PRKD1: variants seen among roughly 807,000 people sequenced by gnomAD.
PRKD1 encodes the protein serine/threonine-protein kinase D1.
PRKD1 carries 63 observed loss-of-function variants against 95.9 expected under a neutral mutation model. The ratio of observed to expected loss-of-function variants is 0.66; its 90% CI spans 0.54 to 0.81. PRKD1 has a LOEUF of 0.81. Among genes scored for constraint, PRKD1 ranks in the 30% least tolerant of loss-of-function variants. The pLI, the probability that PRKD1 is intolerant of heterozygous loss-of-function variation, is 0.00. For synonymous variants in PRKD1, 425 were observed against 423.1 expected, an observed-to-expected ratio of 1.00 and a Z score of -0.05; for missense variants, 1,048 against 1,165.3, an observed-to-expected ratio of 0.90 and a Z score of 1.47.
chr14:29,709,181 T>G (rs1594448080), intron 2 of PRKD1, among the ~76,000 whole-genome samples: 1 of 152,116 alleles, frequency 6.6e-6, no homozygotes, highest in Admixed American at 6.6e-5. Flanking sequence ...GTAAACAGAG[T>G]ATGTTTCATT....
At chr14:29,726,605 T>A (rs1886157356) in intron 1 of PRKD1, among the ~76,000 whole-genome samples, 1 of 152,140 alleles carries the variant, frequency 6.6e-6, no homozygotes, top group African/African-American at 2.4e-5. Flanking sequence ...CTGCTGGAGA[T>A]AAAAACAATA....
At chr14:29,629,982 C>T (rs1879874565) in intron 10 of PRKD1, among the ~76,000 whole-genome samples, 1 of 93,604 alleles carries the variant, frequency 1.1e-5, no homozygotes, top group Non-Finnish European at 2.7e-5. Context: ...TTTCCTCTTC[C>T]TCCTCCTCTT....
intron 13 of PRKD1, among the ~76,000 whole-genome samples, chr14:29,606,823 AT>A (rs777315048): frequency 6.6e-6 from 1 of 152,044 alleles, no homozygotes; most frequent in African/African-American, 2.4e-5. Flanking sequence ...AACTCCTCTT[AT>A]TTTTTTATTT....
At chr14:29,646,592 A>G (rs1171746835) in intron 4 of PRKD1, among the ~76,000 whole-genome samples, 1 of 150,734 alleles carries the variant, frequency 6.6e-6, no homozygotes, top group Admixed American at 6.6e-5. Flanking sequence ...AGGACACTTC[A>G]GTCCTATCAA....
chr14:29,681,201 T>C (rs963886273), intron 2 of PRKD1, among the ~76,000 whole-genome samples: 1 of 152,316 alleles, frequency 6.6e-6, no homozygotes, highest in African/African-American at 2.4e-5. Context: ...AAAATTAAAA[T>C]AGACAAGCAC....
chr14:29,899,911 C>T (rs932251420), intron 1 of PRKD1, among the ~76,000 whole-genome samples: 7 of 152,158 alleles, frequency 4.6e-5, no homozygotes, highest in Non-Finnish European at 1.0e-4. Context: ...TTCCTCCATG[C>T]TGCTCTTGTG....
chr14:29,647,926 C>T (rs545689908), intron 4 of PRKD1, among the ~76,000 whole-genome samples: 2 of 152,152 alleles, frequency 1.3e-5, no homozygotes, highest in South Asian at 4.1e-4. Flanking sequence ...CTTACAGAAG[C>T]CAGAACAAAA....
chr14:29,717,336 G>A (rs1265580147), intron 2 of PRKD1, among the ~76,000 whole-genome samples: 1 of 152,076 alleles, frequency 6.6e-6, no homozygotes, highest in Admixed American at 6.6e-5. Flanking sequence ...CTTGTGAAAT[G>A]CTTTATATTT....
intron 1 of PRKD1, among the ~76,000 whole-genome samples, chr14:29,912,458 G>A (rs1894749178): frequency 6.6e-6 from 1 of 152,060 alleles, no homozygotes; most frequent in Admixed American, 6.6e-5. Context: ...TCAACATTGT[G>A]ACTTCCAAAC....
At chr14:29,578,801 G>A (rs1892658711) in intron 16 of PRKD1, among the ~76,000 whole-genome samples, 1 of 152,040 alleles carries the variant, frequency 6.6e-6, no homozygotes, top group South Asian at 2.1e-4. Flanking sequence ...GGTTCACACA[G>A]TATTGAATTA....
chr14:29,728,833 G>A (rs979140751), intron 1 of PRKD1, among the ~76,000 whole-genome samples: 1 of 152,038 alleles, frequency 6.6e-6, no homozygotes. Flanking sequence ...ATTCATGTTT[G>A]AGCTGTATGT....
intron 1 of PRKD1, among the ~76,000 whole-genome samples, chr14:29,756,419 G>C (rs1022755598): frequency 1.3e-5 from 2 of 152,150 alleles, no homozygotes; most frequent in African/African-American, 2.4e-5. Flanking sequence ...GTGTGTGCAT[G>C]TGTGTGTGTC....
At chr14:29,753,567 T>C (rs1203343789) in intron 1 of PRKD1, among the ~76,000 whole-genome samples, 1 of 152,162 alleles carries the variant, frequency 6.6e-6, no homozygotes, top group Non-Finnish European at 1.5e-5. Flanking sequence ...TGTCTATGCC[T>C]ACTCTATTGC....
chr14:29,594,987 G>T, intron 16 of PRKD1, among the ~76,000 whole-genome samples: 1 of 135,840 alleles, frequency 7.4e-6, no homozygotes, highest in East Asian at 2.1e-4. Context: ...TCAGCAGCTA[G>T]GTAACTTTTT....
intron 1 of PRKD1, among the ~76,000 whole-genome samples, chr14:29,757,735 C>A (rs1887775440): frequency 6.6e-6 from 1 of 151,544 alleles, no homozygotes; most frequent in South Asian, 2.1e-4. Context: ...AGGGCCTGAT[C>A]ATAGATGAGG....
At chr14:29,835,758 A>G (rs1456215388) in intron 1 of PRKD1, among the ~76,000 whole-genome samples, 2 of 151,946 alleles carry the variant, frequency 1.3e-5, no homozygotes, top group African/African-American at 2.4e-5. Flanking sequence ...TTTAGTAGAG[A>G]CAGGGTTTCA....
intron 13 of PRKD1, among the ~76,000 whole-genome samples, chr14:29,622,646 G>T (rs750166565): frequency 3.3e-5 from 5 of 152,084 alleles, no homozygotes; most frequent in South Asian, 2.1e-4. Context: ...CAGGTGATCC[G>T]CCCTCCTCCG....
At chr14:29,858,095 G>A (rs1594581837) in intron 1 of PRKD1, among the ~76,000 whole-genome samples, 1 of 152,202 alleles carries the variant, frequency 6.6e-6, no homozygotes, top group South Asian at 2.1e-4. Flanking sequence ...AAAGCAGAAA[G>A]TAAACTGTCT....
chr14:29,588,668 G>A (rs918614877), intron 16 of PRKD1, among the ~76,000 whole-genome samples: 1 of 152,086 alleles, frequency 6.6e-6, no homozygotes, highest in Non-Finnish European at 1.5e-5. Context: ...AGAAACTCGC[G>A]TCACTGGTTG....
Sources: gnomAD v4.1 joint callset for allele counts (sites outside exome capture counted in the v4.1 genomes callset) on GRCh38, gnomAD v4.1.1 for gene constraint, MANE v1.5 for transcripts, NCBI Gene and HGNC (gene_info 2026-07-23, HGNC 2026-07-21) for gene names.